The following KCNK1 variants were observed in gnomAD, a reference collection of about 807,000 sequenced individuals.
KCNK1 encodes potassium channel subfamily K member 1.
In KCNK1, 10 loss-of-function variants were observed where a neutral mutation model predicts 22.2. That is an observed-to-expected ratio of 0.45 (90% confidence interval 0.28 to 0.76). KCNK1 has a LOEUF of 0.76. Ranked by LOEUF, KCNK1 falls within the 30% of genes least tolerant of loss-of-function variation. The pLI is 0.14. For missense variants in KCNK1, 378 were observed against 421.0 expected, an observed-to-expected ratio of 0.90 and a Z score of 0.89; for synonymous variants, 200 against 186.4, an observed-to-expected ratio of 1.07 and a Z score of -0.60.
intron 1 of KCNK1, chr1:233,631,213 G>A (rs879098033): frequency 3.8e-4 from 195 of 515,614 alleles, no homozygotes; most frequent in South Asian, 2.9e-4. Context: ...TCAAATAGGC[G>A]TGATGGTGAC....
intron 1 of KCNK1, among the ~76,000 whole-genome samples, chr1:233,619,918 G>C (rs982015907): frequency 3.5e-5 from 5 of 144,516 alleles, no homozygotes; most frequent in African/African-American, 1.2e-4. Context: ...GTCTAAGCGA[G>C]GGGGGCGGGG....
At chr1:233,655,777 C>A in intron 1 of KCNK1, 1 of 153,052 alleles carries the variant, frequency 6.5e-6, no homozygotes, top group South Asian at 1.8e-4. Flanking sequence ...GTGCCTTGAT[C>A]AGAGACTTCC....
At chr1:233,620,782 A>G (rs1657572657) in intron 1 of KCNK1, among the ~76,000 whole-genome samples, 2 of 152,166 alleles carry the variant, frequency 1.3e-5, no homozygotes, top group Non-Finnish European at 1.5e-5. Flanking sequence ...AGGGAAAGGC[A>G]CAGCTATGGG....
chr1:233,625,387 A>G (rs1429628089), intron 1 of KCNK1, among the ~76,000 whole-genome samples: 1 of 152,098 alleles, frequency 6.6e-6, no homozygotes, highest in Non-Finnish European at 1.5e-5. Flanking sequence ...GGTGGAGGAA[A>G]AGTTTTATGG....
At chr1:233,618,221 A>G (rs1186317307) in intron 1 of KCNK1, among the ~76,000 whole-genome samples, 1 of 152,288 alleles carries the variant, frequency 6.6e-6, no homozygotes, top group Admixed American at 6.5e-5. Context: ...CCTGAACTCC[A>G]TCACCCTTCA....
At chr1:233,669,393 G>A (rs1048904361) in intron 2 of KCNK1, among the ~76,000 whole-genome samples, 3 of 152,182 alleles carry the variant, frequency 2.0e-5, no homozygotes, top group East Asian at 1.9e-4. Flanking sequence ...TTTTTAAAAA[G>A]CAATCTACAT....
chr1:233,626,119 T>C (rs138128572), intron 1 of KCNK1, among the ~76,000 whole-genome samples: 16 of 147,370 alleles, frequency 1.1e-4, no homozygotes, highest in African/African-American at 3.5e-4. Context: ...CAGGGGGTCA[T>C]CGGACCACCG....
chr1:233,657,618 AAAAAGAAAGAAAAG>A (rs1250541225), intron 1 of KCNK1, among the ~76,000 whole-genome samples: 2 of 152,038 alleles, frequency 1.3e-5, no homozygotes, highest in African/African-American at 2.4e-5. Flanking sequence ...AGAAAGAGAG[AAAAAGAAAGAAAAG>A]AAAAGAAAGA....
At chr1:233,667,973 T>A (rs1390972922) in intron 2 of KCNK1, among the ~76,000 whole-genome samples, 2 of 152,168 alleles carry the variant, frequency 1.3e-5, no homozygotes, top group Non-Finnish European at 2.9e-5. Context: ...TTTCCAGAAT[T>A]TTGTGTGTGG....
chr1:233,651,036 C>A (rs10495338), intron 1 of KCNK1, among the ~76,000 whole-genome samples: 1 of 152,152 alleles, frequency 6.6e-6, no homozygotes, highest in Non-Finnish European at 1.5e-5. Flanking sequence ...ACTTTGCTTT[C>A]TAGTCTCAGT....
intron 1 of KCNK1, among the ~76,000 whole-genome samples, chr1:233,639,648 G>A (rs1353293551): frequency 6.6e-6 from 1 of 152,166 alleles, no homozygotes; most frequent in Non-Finnish European, 1.5e-5. Context: ...AATATCATAA[G>A]GGAGAGAGTT....
At chr1:233,637,653 C>T (rs994856830) in intron 1 of KCNK1, among the ~76,000 whole-genome samples, 50 of 152,118 alleles carry the variant, frequency 3.3e-4, no homozygotes, top group African/African-American at 9.4e-4. Context: ...CTTCCAATGA[C>T]GTGACCAGTG....
At chr1:233,625,038 A>G (rs1437230606) in intron 1 of KCNK1, among the ~76,000 whole-genome samples, 1 of 152,226 alleles carries the variant, frequency 6.6e-6, no homozygotes, top group African/African-American at 2.4e-5. Context: ...TAATAGGAGA[A>G]AAGGCATATA....
At chr1:233,650,441 G>A (rs575617605) in intron 1 of KCNK1, among the ~76,000 whole-genome samples, 2 of 152,278 alleles carry the variant, frequency 1.3e-5, no homozygotes, top group South Asian at 4.2e-4. Flanking sequence ...AGAGAACAGA[G>A]GGGAGCATAT....
chr1:233,641,838 C>A (rs1181439749), intron 1 of KCNK1, among the ~76,000 whole-genome samples: 2 of 152,166 alleles, frequency 1.3e-5, no homozygotes, highest in African/African-American at 4.8e-5. Context: ...CAAAGAACAA[C>A]AAATTCAAGG....
chr1:233,666,248 C>G (rs564993001), intron 1 of KCNK1, among the ~76,000 whole-genome samples: 3 of 152,198 alleles, frequency 2.0e-5, no homozygotes, highest in Non-Finnish European at 4.4e-5. Flanking sequence ...TGGGTAGCCT[C>G]GGATGAGTTT....
chr1:233,655,248 T>G (rs1658270260), intron 1 of KCNK1, among the ~76,000 whole-genome samples: 1 of 152,236 alleles, frequency 6.6e-6, no homozygotes, highest in Non-Finnish European at 1.5e-5. Flanking sequence ...AATGGAAATG[T>G]CTATTCTATG....
chr1:233,650,283 T>C (rs1468272242), intron 1 of KCNK1, among the ~76,000 whole-genome samples: 1 of 152,186 alleles, frequency 6.6e-6, no homozygotes, highest in Non-Finnish European at 1.5e-5. Context: ...CATTCTAAAC[T>C]ACAGAGTGGC....
intron 1 of KCNK1, among the ~76,000 whole-genome samples, chr1:233,619,303 T>G (rs1276521068): frequency 1.3e-5 from 2 of 152,016 alleles, no homozygotes. Context: ...ATTACAGGCA[T>G]GAGCCACCAT....
Sources: allele counts gnomAD v4.1 joint callset (sites outside exome capture counted in the v4.1 genomes callset), GRCh38; gene constraint gnomAD v4.1.1; transcripts MANE v1.5; gene names NCBI Gene and HGNC (gene_info 2026-07-23, HGNC 2026-07-21).